The following CCDC180 variants were observed in gnomAD, a reference collection of about 807,000 sequenced individuals.
CCDC180 encodes coiled-coil domain containing 180, also known as coiled-coil domain-containing protein 180.
CCDC180 carries 154 observed loss-of-function variants against 209.2 expected under a neutral mutation model. That is an observed-to-expected ratio of 0.74 (90% CI 0.65 to 0.84). The LOEUF (loss-of-function observed/expected upper bound fraction) is 0.84, where lower values mean the gene tolerates loss of function less well. Ranked by LOEUF, CCDC180 falls within the 40% of genes least tolerant of loss-of-function variation. The pLI is 0.00. For missense variants in CCDC180, 1,874 were observed against 1,997.3 expected, an observed-to-expected ratio of 0.94 and a Z score of 1.18; for synonymous variants, 778 against 749.1, an observed-to-expected ratio of 1.04 and a Z score of -0.63.
chr9:97,307,349 A>C, upstream of CCDC180: 1 of 482,216 alleles, frequency 2.1e-6, no homozygotes. Flanking sequence ...TTGTCGCTGG[A>C]CCGGCCCTGG....
chr9:97,318,639 C>T (rs202115221), intron 10 of CCDC180, 57 bp downstream of exon 10: 1 of 1,592,674 alleles, frequency 6.3e-7, no homozygotes. Context: ...GTGAGGGAGG[C>T]AGAAGTGGCC....
intron 19 of CCDC180, 29 bp downstream of exon 19, chr9:97,343,592 C>A: frequency 6.8e-7 from 1 of 1,472,356 alleles, no homozygotes; most frequent in Non-Finnish European, 9.4e-7. Context: ...TATTCTCATC[C>A]TGTTGTTCTG....
At chr9:97,353,086 TC>T (rs1826470454) in intron 22 of CCDC180, among the ~76,000 whole-genome samples, 1 of 152,114 alleles carries the variant, frequency 6.6e-6, no homozygotes, top group African/African-American at 2.4e-5. Flanking sequence ...AACCTCCACC[TC>T]CTGGGTTCGA....
intron 27 of CCDC180, 121 bp downstream of exon 27, chr9:97,362,019 T>C: frequency 7.3e-7 from 1 of 1,378,244 alleles, no homozygotes; most frequent in Non-Finnish European, 9.8e-7. Context: ...CCTGAGAGCC[T>C]GTGACCTCAG....
intron 19 of CCDC180, among the ~76,000 whole-genome samples, chr9:97,346,151 C>T (rs948193515): frequency 1.3e-5 from 2 of 152,208 alleles, no homozygotes; most frequent in African/African-American, 4.8e-5. Flanking sequence ...TGCTCTGCTA[C>T]GTGTCTTTTC....
At chr9:97,373,285 T>C (rs568316867) in intron 34 of CCDC180, 58 of 152,376 alleles carry the variant, frequency 3.8e-4, no homozygotes, top group African/African-American at 1.3e-3. Flanking sequence ...TTATCACTGA[T>C]CTATAAAGTA....
At chr9:97,325,273 C>T in intron 14 of CCDC180, 81 bp downstream of exon 14, 1 of 1,421,270 alleles carries the variant, frequency 7.0e-7, no homozygotes, top group Non-Finnish European at 9.5e-7. Flanking sequence ...AAATGGAGAA[C>T]CTTAAGCTAT....
intron 26 of CCDC180, among the ~76,000 whole-genome samples, chr9:97,360,862 G>A (rs1246431523): frequency 2.6e-5 from 4 of 152,192 alleles, no homozygotes; most frequent in Non-Finnish European, 5.9e-5. Context: ...ATTGGGCTGA[G>A]ATGCTCAGCC....
intron 18 of CCDC180, among the ~76,000 whole-genome samples, chr9:97,336,947 T>C (rs1825924972): frequency 6.6e-6 from 1 of 152,228 alleles, no homozygotes; most frequent in Non-Finnish European, 1.5e-5. Context: ...AATTCACTCA[T>C]GATTTGGCTC....
At chr9:97,332,486 T>C (rs1825784803) in intron 18 of CCDC180, among the ~76,000 whole-genome samples, 1 of 152,234 alleles carries the variant, frequency 6.6e-6, no homozygotes, top group Non-Finnish European at 1.5e-5. Flanking sequence ...AGATATTGAC[T>C]CTTCCTATCC....
intron 19 of CCDC180, 137 bp from the exon 20 acceptor site, chr9:97,347,177 C>A: frequency 1.3e-6 from 1 of 780,800 alleles, no homozygotes; most frequent in Non-Finnish European, 2.0e-6. Flanking sequence ...GGTCCATTTA[C>A]ACAATGAAAT....
intron 24 of CCDC180, among the ~76,000 whole-genome samples, chr9:97,356,706 A>G (rs959988354): frequency 1.3e-5 from 2 of 152,242 alleles, no homozygotes; most frequent in African/African-American, 4.8e-5. Flanking sequence ...TTCTGAGCTA[A>G]TATCTGGGGA....
chr9:97,352,848 C>G (rs559103299), intron 22 of CCDC180, among the ~76,000 whole-genome samples: 2 of 151,984 alleles, frequency 1.3e-5, no homozygotes, highest in African/African-American at 4.8e-5. Flanking sequence ...GTCACTGATT[C>G]ACTCTGTAAC....
chr9:97,324,689 T>C (rs1040081519), intron 13 of CCDC180, among the ~76,000 whole-genome samples: 1 of 152,198 alleles, frequency 6.6e-6, no homozygotes, highest in Non-Finnish European at 1.5e-5. Context: ...AGGCCAGTGT[T>C]GCTGTGGCCT....
rs6478124 is a variant in CCDC180, at chr9:97,367,216, T to G, written c.4189+516T>G. Among the ~76,000 whole-genome samples, 1,481 of 152,368 alleles carry G rather than the reference T, an allele frequency of 9.7e-3. 24 individuals carry two copies. Among genetic ancestry groups the G allele is most frequent in the African/African-American group, 0.033 (1,360 of 41,588 alleles). ...TCTTTGGGACTGGCTTATTTCATTT[T>G]GCATAATATTTCAAGGTTTATGCAT... On this transcript the variant is annotated intron_variant, in intron 31 of 36. Transcript: ENST00000529487.
At position 97,370,790 on chromosome 9, in the gene CCDC180, C is replaced by T; in HGVS notation, c.4488+12C>T. The T allele has an allele frequency of 6.2e-7, 1 of 1,613,030 alleles. No homozygotes were observed. The highest frequency in any genetic ancestry group is 1.1e-5 in the South Asian group (1 of 90,948). The stretch of plus-strand genomic sequence containing the variant: ...AGGAGAAGCTGGAGGTCAGTGATAC[C>T]ATTGATTCGCCAGTCCAGGCATGCT... On this transcript the variant is annotated intron_variant, in intron 33 of 36. Coordinates refer to ENST00000529487, the MANE Select transcript of CCDC180 (RefSeq NM_020893.6).
chr9:97,335,114 A>G lies in CCDC180; in HGVS notation c.2274+4347A>G, dbSNP rs1375882610. Among the ~76,000 whole-genome samples, 5 of 152,218 alleles carry G rather than the reference A, an allele frequency of 3.3e-5. No individual in the cohort carries two copies. The East Asian group carries it at 9.6e-4, about 29-fold the overall frequency. On this transcript the variant is annotated intron_variant, in intron 18 of 36. Coordinates refer to ENST00000529487, the MANE Select transcript of CCDC180 (RefSeq NM_020893.6). ...TTATTTTTTGAAAGTAAGACTTTCC[A>G]TGTTAGCTTTCTTCCTTCTTTTGCT...
chr9:97,333,033 A>G (rs1825796206), intron 18 of CCDC180, among the ~76,000 whole-genome samples: 2 of 152,126 alleles, frequency 1.3e-5, no homozygotes, highest in African/African-American at 2.4e-5. Flanking sequence ...ATTTTGAAGT[A>G]TGTTCTTTCA....
At chr9:97,321,752 C>T (rs767606428) in intron 11 of CCDC180, among the ~76,000 whole-genome samples, 2 of 152,140 alleles carry the variant, frequency 1.3e-5, no homozygotes, top group Non-Finnish European at 2.9e-5. Flanking sequence ...GTTAGGGACA[C>T]AGCTGGTTCA....
Sources: allele counts gnomAD v4.1 joint callset (sites outside exome capture counted in the v4.1 genomes callset), GRCh38; gene constraint gnomAD v4.1.1; transcripts MANE v1.5; gene names NCBI Gene and HGNC (gene_info 2026-07-23, HGNC 2026-07-21).